SDK1: variants seen among roughly 807,000 people sequenced by gnomAD.
The protein encoded by SDK1 is protein sidekick-1.
Under a neutral mutation model 245.5 loss-of-function variants are expected in SDK1, and 157 were observed. The observed-to-expected ratio is 0.64, with a 90% CI of 0.56 to 0.73. SDK1 has a LOEUF of 0.73. Ranked by LOEUF, SDK1 falls within the 30% of genes least tolerant of loss-of-function variation. The probability of loss-of-function intolerance (pLI) is 0.00; values close to 1 mark genes in which losing one functional copy is unlikely to be tolerated. For missense variants in SDK1, 3,583 were observed against 3,002.3 expected (o/e 1.19, Z -4.52); for synonymous variants, 1,647 against 1,278.5 (o/e 1.29, Z -6.15).
At chr7:4,162,890 C>T (rs1781244046) in intron 32 of SDK1, among the ~76,000 whole-genome samples, 1 of 152,182 alleles carries the variant, frequency 6.6e-6, no homozygotes, top group Admixed American at 6.5e-5. Context: ...ACAAATATAA[C>T]AGAGGGACAA....
chr7:3,746,751 C>G (rs566093763), intron 4 of SDK1, among the ~76,000 whole-genome samples: 2 of 152,190 alleles, frequency 1.3e-5, no homozygotes, highest in African/African-American at 4.8e-5. Context: ...GTTCTCTTGC[C>G]GTTTCTACCA....
intron 1 of SDK1, among the ~76,000 whole-genome samples, chr7:3,580,893 A>T (rs1583190431): frequency 7.0e-6 from 1 of 143,038 alleles, no homozygotes; most frequent in African/African-American, 2.6e-5. Flanking sequence ...GCTTGAACTG[A>T]GGAGGCAGAA....
chr7:3,572,634 C>T (rs1385068217), intron 1 of SDK1, among the ~76,000 whole-genome samples: 1 of 152,016 alleles, frequency 6.6e-6, no homozygotes, highest in African/African-American at 2.4e-5. Context: ...ACGAGCTTTA[C>T]TCAGTGAAGA....
chr7:3,316,245 G>T (rs1335853456), intron 1 of SDK1, among the ~76,000 whole-genome samples: 5 of 152,072 alleles, frequency 3.3e-5, no homozygotes, highest in African/African-American at 1.2e-4. Context: ...ATATATAAGG[G>T]TCCTGAAAGA....
At chr7:3,613,642 A>G (rs1448849324) in intron 1 of SDK1, among the ~76,000 whole-genome samples, 1 of 152,226 alleles carries the variant, frequency 6.6e-6, no homozygotes, top group Non-Finnish European at 1.5e-5. Flanking sequence ...ATCACTGGGT[A>G]TACACCCAGA....
chr7:3,862,314 T>C (rs1167498226), intron 5 of SDK1, among the ~76,000 whole-genome samples: 2 of 152,220 alleles, frequency 1.3e-5, no homozygotes, highest in Non-Finnish European at 2.9e-5. Context: ...AGGTAATTTC[T>C]GTCTGCAGCC....
intron 35 of SDK1, among the ~76,000 whole-genome samples, chr7:4,187,397 A>G (rs1782957681): frequency 6.6e-6 from 1 of 152,260 alleles, no homozygotes; most frequent in East Asian, 1.9e-4. Context: ...CGCTAGAAGC[A>G]GAACTTCTGG....
intron 1 of SDK1, among the ~76,000 whole-genome samples, chr7:3,436,019 T>G (rs1780011286): frequency 6.6e-6 from 1 of 152,242 alleles, no homozygotes; most frequent in Admixed American, 6.5e-5. Context: ...ATAAATGAGC[T>G]TAATATCATG....
At chr7:3,606,427 A>G (rs1003906841) in intron 1 of SDK1, among the ~76,000 whole-genome samples, 2 of 152,120 alleles carry the variant, frequency 1.3e-5, no homozygotes, top group African/African-American at 2.4e-5. Context: ...AACTTATCAA[A>G]CTTTTGCTAA....
At chr7:3,585,783 A>G (rs1196664883) in intron 1 of SDK1, among the ~76,000 whole-genome samples, 2 of 152,166 alleles carry the variant, frequency 1.3e-5, no homozygotes, top group East Asian at 3.9e-4. Context: ...AAATCTAAAG[A>G]CAGGTGTGCC....
chr7:3,431,358 GTTTT>G (rs34510123), intron 1 of SDK1, among the ~76,000 whole-genome samples: 13 of 118,370 alleles, frequency 1.1e-4, no homozygotes, highest in Admixed American at 7.7e-4. Flanking sequence ...AATGTGGGAG[GTTTT>G]TTTTTTTTTT....
At chr7:3,561,449 A>G (rs1217403261) in intron 1 of SDK1, among the ~76,000 whole-genome samples, 5 of 152,170 alleles carry the variant, frequency 3.3e-5, no homozygotes, top group African/African-American at 1.2e-4. Flanking sequence ...GTTAGACTCC[A>G]CAAGCAGTGA....
intron 4 of SDK1, among the ~76,000 whole-genome samples, chr7:3,792,412 A>G (rs1048842088): frequency 1.3e-5 from 2 of 152,196 alleles, no homozygotes; most frequent in East Asian, 1.9e-4. Context: ...CCTAAGATCT[A>G]CGTTCTTGAG....
chr7:3,872,847 G>C (rs1316176423), intron 5 of SDK1, among the ~76,000 whole-genome samples: 1 of 151,860 alleles, frequency 6.6e-6, no homozygotes, highest in African/African-American at 2.4e-5. Context: ...GGAGTATAAG[G>C]ACCTTATAAC....
intron 1 of SDK1, among the ~76,000 whole-genome samples, chr7:3,471,631 G>T (rs1351005995): frequency 1.3e-5 from 2 of 152,170 alleles, no homozygotes. Context: ...AGTAAGTCAA[G>T]AGTAAGAAGT....
chr7:4,075,136 T>G (rs998230376), intron 20 of SDK1, among the ~76,000 whole-genome samples: 11 of 151,468 alleles, frequency 7.3e-5, no homozygotes, highest in African/African-American at 2.7e-4. Flanking sequence ...CAGCACCACT[T>G]GGTGACAACT....
At chr7:3,405,651 T>G (rs949217534) in intron 1 of SDK1, among the ~76,000 whole-genome samples, 1 of 152,094 alleles carries the variant, frequency 6.6e-6, no homozygotes, top group Non-Finnish European at 1.5e-5. Flanking sequence ...TTATCAGATA[T>G]GGTTATAAGG....
intron 44 of SDK1, among the ~76,000 whole-genome samples, chr7:4,256,479 G>A (rs1787634609): frequency 6.6e-6 from 1 of 152,244 alleles, no homozygotes; most frequent in South Asian, 2.1e-4. Context: ...TGCAGGGAAA[G>A]CAGACCGAGG....
intron 4 of SDK1, among the ~76,000 whole-genome samples, chr7:3,668,865 T>A (rs962421510): frequency 1.3e-5 from 2 of 152,188 alleles, no homozygotes; most frequent in African/African-American, 4.8e-5. Context: ...ATTTTCACCA[T>A]TGTGTCACTA....
Sources: allele counts gnomAD v4.1 joint callset (sites outside exome capture counted in the v4.1 genomes callset), GRCh38; gene constraint gnomAD v4.1.1; transcripts MANE v1.5; gene names NCBI Gene and HGNC (gene_info 2026-07-23, HGNC 2026-07-21).